ABCC3: variants seen among roughly 807,000 people sequenced by gnomAD.
The protein encoded by ABCC3 is ATP binding cassette subfamily C member 3.
A neutral mutation model predicts 165.3 loss-of-function variants in ABCC3; 121 were observed. The ratio of observed to expected loss-of-function variants is 0.73; its 90% CI spans 0.63 to 0.85. The LOEUF (loss-of-function observed/expected upper bound fraction) is 0.85, where lower values mean the gene tolerates loss of function less well. ABCC3 is among the 40% of genes least tolerant of loss of function. The probability of loss-of-function intolerance (pLI) is 0.00; values close to 1 mark genes in which losing one functional copy is unlikely to be tolerated. For synonymous variants in ABCC3, 733 were observed against 810.1 expected (o/e 0.90, Z 1.62); for missense variants, 1,869 against 1,964.1 (o/e 0.95, Z 0.92).
chr17:50,691,125 A>G lies in ABCC3; in HGVS notation c.4509A>G (p.Glu1503=), dbSNP rs1051640. The change falls in exon 31 of 31, where the codon GAA becomes GAG. Residue 1503 remains glutamate (E), a synonymous_variant. Coordinates refer to ENST00000285238, the MANE Select transcript of ABCC3 (RefSeq NM_003786.4). ...TCCTGGACAAAGGAGTAGTAGCTGA[A>G]TTTGATTCTCCAGCCAACCTCATTG... The part of the protein sequence containing the change: ...VLVLDKGVVA[E]FDSPANLIAA... The G allele has an allele frequency of 0.16, 262,701 of 1,613,030 alleles. 22,849 individuals are homozygous for G. Among genetic ancestry groups the G allele is most frequent in the Non-Finnish European group, 0.18 (210,490 of 1,179,034 alleles).
chr17:50,686,594 A>G (rs1429492387), intron 29 of ABCC3, among the ~76,000 whole-genome samples: 1 of 151,836 alleles, frequency 6.6e-6, no homozygotes, highest in Non-Finnish European at 1.5e-5. Context: ...TGCTTGATCC[A>G]TTCTTCTCAC....
intron 3 of ABCC3, 83 bp downstream of exon 3, chr17:50,656,910 G>A: frequency 1.9e-6 from 3 of 1,550,908 alleles, no homozygotes; most frequent in Middle Eastern, 1.8e-4. Context: ...GGGCTCTGAG[G>A]AGAGGGCTGG....
At chr17:50,649,790 A>AT (rs1280757710) in intron 1 of ABCC3, among the ~76,000 whole-genome samples, 2 of 152,102 alleles carry the variant, frequency 1.3e-5, no homozygotes, top group Non-Finnish European at 2.9e-5. Context: ...CATAAAATAA[A>AT]TTTTTTTAAT....
rs148400455 is a variant in ABCC3 at position 50,663,728 on chromosome 17, G to A, written c.1046G>A (p.Gly349Asp). The change falls in exon 9 of 31, where the codon GGC becomes GAC. Residue 349 changes from glycine (G) to aspartate (D), a missense_variant. Gly to Asp is a moderately conservative substitution (Grantham distance 94, BLOSUM62 -1). Coordinates refer to ENST00000285238, the MANE Select transcript of ABCC3 (RefSeq NM_003786.4). Reference sequence around the variant, plus strand: ...AACCCCATGGCCCCCTCCTGGTGGGGCTTCCTGGTGGCTGGGCTGATGTTC... The same window carrying A: ...AACCCCATGGCCCCCTCCTGGTGGGACTTCCTGGTGGCTGGGCTGATGTTC... ...ISNPMAPSWWGFLVAGLMFLC... is the reference protein window; with the variant it reads ...ISNPMAPSWWDFLVAGLMFLC... 6 of 1,614,206 alleles carry A rather than the reference G, an allele frequency of 3.7e-6. No homozygotes were observed. The Middle Eastern group carries it at 6.6e-4, about 178-fold the overall frequency.
chr17:50,673,973 T>TTTCTTTCTTTCCTTCC (rs1967722476), intron 19 of ABCC3, among the ~76,000 whole-genome samples: 2 of 16,364 alleles, frequency 1.2e-4, no homozygotes, highest in Admixed American at 9.5e-4. Context: ...TCTTTCTTTC[T>TTTCTTTCTTTCCTTCC]TTCTTTCTCT....
intron 13 of ABCC3, 92 bp downstream of exon 13, chr17:50,668,101 G>C (rs1967566281): frequency 8.9e-7 from 1 of 1,118,446 alleles, no homozygotes; most frequent in Non-Finnish European, 1.3e-6. Context: ...TAATCAGGGG[G>C]AGTTATTGGA....
chr17:50,658,485 G>A lies in ABCC3; in HGVS notation c.663G>A (p.Trp221Ter). 6.2e-7 allele frequency: 1 copy of A among 1,614,068 alleles called. No individual in the cohort carries two copies. The highest frequency in any genetic ancestry group is 1.1e-5 in the South Asian group (1 of 91,086). Residue 221 changes from tryptophan (W) to a stop codon, truncating the protein, a stop_gained, in exon 6 of 31, where the codon TGG (tryptophan) becomes TGA (stop). Transcript: ENST00000285238. LOFTEE classifies it high-confidence loss of function. ...SAGFLSRLFF[W>*]WFTKMAIYGY... ...GCTTTCTCTCCCGCCTGTTTTTCTG[G>A]TGGTTCACAAAGTGAGTTGGCTCTT...
At chr17:50,658,412 C>T (rs371544159) in intron 5 of ABCC3, 23 bp from the exon 6 acceptor site, 15 of 1,611,116 alleles carry the variant, frequency 9.3e-6, no homozygotes, top group East Asian at 6.7e-5. Context: ...CTGATTCCCC[C>T]GTCCTATTCT....
chr17:50,664,885 T>A (rs1196907364), intron 10 of ABCC3, among the ~76,000 whole-genome samples: 1 of 152,118 alleles, frequency 6.6e-6, no homozygotes, highest in Non-Finnish European at 1.5e-5. Context: ...GGTGTGACTC[T>A]GGCTGTCATC....
chr17:50,649,066 C>T (rs926429559), intron 1 of ABCC3, among the ~76,000 whole-genome samples: 3 of 149,194 alleles, frequency 2.0e-5, no homozygotes, highest in East Asian at 2.0e-4. Flanking sequence ...GAGCTGAGAT[C>T]GTACTACCAC....
chr17:50,658,680 TGGCCTGGCCCA>T (rs1967311990), intron 6 of ABCC3, 184 bp downstream of exon 6: 1 of 692,290 alleles, frequency 1.4e-6, no homozygotes. Context: ...TGCAGAGGCC[TGGCCTGGCCCA>T]GTGCCGCCCC....
rs746171655 is a variant in ABCC3 at position 50,673,472 on chromosome 17, C to G, written c.2413C>G (p.Arg805Gly). 1 of 1,613,760 alleles carries G rather than the reference C, an allele frequency of 6.2e-7. No homozygotes were observed. The highest frequency in any genetic ancestry group is 1.7e-5 in the Admixed American group (1 of 59,990). The change falls in exon 19 of 31, where the codon CGA becomes GGA. Residue 805 changes from arginine (R) to glycine (G), a missense_variant. Transcript: ENST00000285238. Reference protein sequence around the residue: ...GPEGVLAGKTRVLVTHGISFL... With the variant: ...GPEGVLAGKTGVLVTHGISFL... ...GAGCCTGCTGCCTTCTCCCCAGACGCGAGTGCTGGTGACGCACGGCATTAG... is the reference window on the plus strand; with the variant it reads ...GAGCCTGCTGCCTTCTCCCCAGACGGGAGTGCTGGTGACGCACGGCATTAG...
rs45461799 is a variant in ABCC3, at chr17:50,684,736, C to T, written c.4141C>T (p.Arg1381Cys). Residue 1381 changes from arginine to cysteine, a missense_variant, in exon 29 of 31, where the codon CGC (arginine) becomes TGC (cysteine). Coordinates refer to ENST00000285238, the MANE Select transcript of ABCC3 (RefSeq NM_003786.4). Reference sequence around the variant, plus strand: ...CCCCATCCTGTTCTCGGGGACCCTGCGCATGAACCTGGACCCCTTCGGCAG... The same window carrying T: ...CCCCATCCTGTTCTCGGGGACCCTGTGCATGAACCTGGACCCCTTCGGCAG... The part of the protein sequence containing the change: ...QDPILFSGTL[R>C]MNLDPFGSYS... 195 of 1,614,064 alleles carry T rather than the reference C, an allele frequency of 1.2e-4. 1 individual carries two copies. In the East Asian group the frequency reaches 2.4e-3, roughly 20 times the overall value.
At chr17:50,643,621 A>C (rs1432056005) in intron 1 of ABCC3, 1 of 456,346 alleles carries the variant, frequency 2.2e-6, no homozygotes, top group Non-Finnish European at 4.4e-6. Flanking sequence ...GCTCCAGGGA[A>C]GGGGATCTCT....
rs746570040 is a variant in ABCC3, at chr17:50,656,766, T to C, written c.287T>C (p.Val96Ala). ...ADLFYSFHGL[V>A]HGRAPAPVFF... ...CTTTTTTACTCCTTCCATGGCCTGG[T>C]CCATGGCCGGGCCCCTGCCCCTGTT... Residue 96 changes from valine to alanine, a missense_variant, in exon 3 of 31, where the codon GTC (valine) becomes GCC (alanine). Transcript: ENST00000285238. 10 of 1,613,906 alleles carry C rather than the reference T, an allele frequency of 6.2e-6. No individual in the cohort carries two copies. In the African/African-American group the frequency reaches 9.3e-5, roughly 15 times the overall value.
chr17:50,669,577 AC>A, intron 17 of ABCC3, 49 bp downstream of exon 17: 1 of 1,587,898 alleles, frequency 6.3e-7, no homozygotes, highest in Middle Eastern at 1.7e-4. Flanking sequence ...AGAGCTGCCC[AC>A]CTCAACCCAG....
Position 50,660,903 on chromosome 17 carries a change from C to A in ABCC3, c.807-20C>A. 2.5e-6 allele frequency: 4 copies of A among 1,569,154 alleles called. No individual in the cohort carries two copies. The highest frequency in any genetic ancestry group is 1.8e-5 in the Admixed American group (1 of 54,822). On this transcript the variant is annotated intron_variant, in intron 7 of 30. Coordinates refer to ENST00000285238, the MANE Select transcript of ABCC3 (RefSeq NM_003786.4). ...CCCTGTCCCCATTCCTAACCCACTG[C>A]TCCTTCCTCCCTGGACCAGACACAA...
In ABCC3 at chr17:50,651,066, GA is replaced by G. The variant is rs57837230; in HGVS notation, c.46-4747del. ...GGTGACAGCGCGAGACTCCATCTCAGAAAAAAAAAAAAAAAAAAAGAATTCT... is the reference window on the plus strand; with the variant it reads ...GGTGACAGCGCGAGACTCCATCTCAGAAAAAAAAAAAAAAAAAAGAATTCT... On this transcript the variant is annotated intron_variant, in intron 1 of 30. Transcript: ENST00000285238. Among the ~76,000 whole-genome samples, 315 of 84,268 alleles carry G rather than the reference GA, an allele frequency of 3.7e-3. 1 individual carries two copies. In the Middle Eastern group the frequency reaches 0.051, roughly 14 times the overall value. 55.3% of individuals were successfully genotyped at this position (84,268 alleles called of 152,430 possible). A position where few individuals can be genotyped will look rare whatever the true frequency, so the allele number is the denominator to read the frequency against.
chr17:50,672,954 C>T lies in ABCC3; in HGVS notation c.2242-17C>T, dbSNP rs1452956920. 3 of 1,609,586 alleles carry T rather than the reference C, an allele frequency of 1.9e-6. No individual in the cohort carries two copies. Among genetic ancestry groups the T allele is most frequent in the African/African-American group, 1.3e-5 (1 of 74,796 alleles). ...GCCTGTCTGACCCCATTTTTCCCAC[C>T]CCCCGCCTCCCTCCAGGGCATTAAC... On this transcript the variant is annotated splice_polypyrimidine_tract_variant and intron_variant, in intron 17 of 30. Transcript: ENST00000285238.
Sources: gnomAD v4.1 joint callset for allele counts (sites outside exome capture counted in the v4.1 genomes callset) on GRCh38, gnomAD v4.1.1 for gene constraint, MANE v1.5 for transcripts, NCBI Gene and HGNC (gene_info 2026-07-23, HGNC 2026-07-21) for gene names.